Variants in PIEZO2 observed in about 807,000 individuals in gnomAD.
PIEZO2 encodes piezo-type mechanosensitive ion channel component 2.
A neutral mutation model predicts 337.3 loss-of-function variants in PIEZO2; 172 were observed. That is an observed-to-expected ratio of 0.51 (90% confidence interval 0.45 to 0.58). The LOEUF is 0.58. PIEZO2 is among the 20% of genes least tolerant of loss of function. PIEZO2 has a pLI of 0.00. For missense variants in PIEZO2, 3,028 were observed against 3,391.3 expected (o/e 0.89, Z 2.66); for synonymous variants, 1,251 against 1,228.5 (o/e 1.02, Z -0.38).
intron 3 of PIEZO2, among the ~76,000 whole-genome samples, chr18:10,967,311 C>A (rs962413352): frequency 6.6e-6 from 1 of 152,104 alleles, no homozygotes; most frequent in Non-Finnish European, 1.5e-5. Flanking sequence ...GCCACCATGC[C>A]CGGCCTATAT....
Position 10,681,611 on chromosome 18 carries a change from T to C in PIEZO2, c.7779+50A>G, listed in dbSNP as rs750542038. 2.8e-6 allele frequency: 4 copies of C among 1,421,612 alleles called. No homozygotes were observed. In the East Asian group the frequency reaches 6.8e-5, roughly 24 times the overall value. 88.1% of individuals were successfully genotyped at this position (1,421,612 alleles called of 1,614,324 possible). On this transcript the variant is annotated intron_variant, in intron 51 of 55. Transcript: ENST00000674853. The stretch of plus-strand genomic sequence containing the variant: ...AAGCATTAAATGACAATGAGTGAAC[T>C]TCCCTAGATGAGAGGTCTTCACAGA...
chr18:11,025,347 A>G (rs939056695), intron 2 of PIEZO2, among the ~76,000 whole-genome samples: 3 of 152,208 alleles, frequency 2.0e-5, no homozygotes, highest in African/African-American at 7.2e-5. Context: ...AACGGGGCAG[A>G]TAACCATATT....
In PIEZO2 at chr18:10,696,154, C is replaced by T. The variant is rs763474753; in HGVS notation, c.7110G>A (p.Leu2370=). The part of the protein sequence containing the change: ...DRALYLRKTV[L]GKVIFQVILV... ...GAATGACCTGGAAGATGACCTTTCC[C>T]AGTACAGTCTTCCTGAGGTAGAGGG... Residue 2370 remains leucine, a synonymous_variant, in exon 47 of 56, where the codon CTG becomes CTA. Coordinates refer to ENST00000674853, the MANE Select transcript of PIEZO2 (RefSeq NM_001378183.1). 2 of 1,614,158 alleles carry T rather than the reference C, an allele frequency of 1.2e-6. No homozygotes were observed. The highest frequency in any genetic ancestry group is 1.7e-6 in the Non-Finnish European group (2 of 1,179,982).
intron 1 of PIEZO2, among the ~76,000 whole-genome samples, chr18:11,087,902 C>T (rs908007379): frequency 2.6e-5 from 4 of 152,260 alleles, no homozygotes; most frequent in African/African-American, 4.8e-5. Flanking sequence ...CAACAGCCTG[C>T]TTGCAGTCCC....
chr18:10,697,911 G>A, intron 44 of PIEZO2, 31 bp from the exon 45 acceptor site: 1 of 1,576,474 alleles, frequency 6.3e-7, no homozygotes, highest in Non-Finnish European at 8.6e-7. Flanking sequence ...TAAGATGGGT[G>A]GTGGAGCCTG....
intron 9 of PIEZO2, among the ~76,000 whole-genome samples, chr18:10,803,097 C>A (rs911971826): frequency 1.3e-5 from 2 of 152,132 alleles, no homozygotes; most frequent in African/African-American, 2.4e-5. Flanking sequence ...GCAACCATAT[C>A]AGTGAACTTT....
At chr18:10,965,479 A>C (rs1226996573) in intron 3 of PIEZO2, among the ~76,000 whole-genome samples, 3 of 152,198 alleles carry the variant, frequency 2.0e-5, no homozygotes, top group African/African-American at 7.2e-5. Context: ...TCAGGCTCAA[A>C]GCGTTCAGAG....
rs1320885573 is a variant in PIEZO2 at position 10,855,484 on chromosome 18, C to T, written c.786G>A (p.Thr262=). Residue 262 remains threonine, a synonymous_variant, in exon 7 of 56, where the codon ACG becomes ACA. Coordinates refer to ENST00000674853, the MANE Select transcript of PIEZO2 (RefSeq NM_001378183.1). This position sits in a 1 kb window ranked among gnomAD's most constrained non-coding sequence, Gnocchi z 4.9. The part of the protein sequence containing the change: ...GLCTWWSWCR[T]FDPLLFSCLC... ...GACAGCTGAACAGCAATGGGTCGAA[C>T]GTCCGGCACCAGGACCACCAGGTGC... is the stretch of plus-strand genomic sequence containing the variant. The T allele has an allele frequency of 1.6e-5, 24 of 1,536,958 alleles. No homozygotes were observed. The highest frequency in any genetic ancestry group is 2.4e-5 in the South Asian group (2 of 84,050).
In PIEZO2 at chr18:10,789,172, T is replaced by A. The variant is rs1486109672; in HGVS notation, c.2076A>T (p.Gly692=). 1 of 1,537,140 alleles carries A rather than the reference T, an allele frequency of 6.5e-7. No individual in the cohort carries two copies. The part of the protein sequence containing the change: ...MFIKYWIYVC[G]GMFFFVSFEG... ...CGAAGCTGACGAAGAAGAACATGCC[T>A]CCGCAGACGTAGATCCAGTACTTGA... Residue 692 remains glycine (G), a synonymous_variant, in exon 15 of 56, where the codon GGA becomes GGT. Coordinates refer to ENST00000674853, the MANE Select transcript of PIEZO2 (RefSeq NM_001378183.1).
Position 10,673,885 on chromosome 18 carries a change from ACAC to A in PIEZO2, c.8162-1015_8162-1013del, listed in dbSNP as rs2033883436. On this transcript the variant is annotated intron_variant, in intron 54 of 55. Coordinates refer to ENST00000674853, the MANE Select transcript of PIEZO2 (RefSeq NM_001378183.1). This position sits in a 1 kb window ranked among gnomAD's most constrained non-coding sequence, Gnocchi z 4.8. The stretch of plus-strand genomic sequence containing the variant: ...CTTGGGTCACCCAGGAAATATACTA[ACAC>A]CAAGGATAGCTTATGAGCTAAAAAG... Among the ~76,000 whole-genome samples, 1 of 152,234 alleles carries A rather than the reference ACAC, an allele frequency of 6.6e-6. No homozygotes were observed. The highest frequency in any genetic ancestry group is 1.5e-5 in the Non-Finnish European group (1 of 68,044).
intron 2 of PIEZO2, among the ~76,000 whole-genome samples, chr18:11,040,454 T>C (rs534599009): frequency 1.4e-4 from 21 of 152,336 alleles, no homozygotes; most frequent in Admixed American, 3.9e-4. Flanking sequence ...TCTTCACTAT[T>C]GATAAGTAAA....
At chr18:11,010,878 T>G (rs1160781698) in intron 2 of PIEZO2, among the ~76,000 whole-genome samples, 1 of 152,226 alleles carries the variant, frequency 6.6e-6, no homozygotes, top group Non-Finnish European at 1.5e-5. Flanking sequence ...AAAAGAATAA[T>G]TATATTAGTG....
Position 10,680,360 on chromosome 18 carries a change from T to C in PIEZO2, c.7791A>G (p.Gln2597=). 6.2e-7 allele frequency: 1 copy of C among 1,613,804 alleles called. No homozygotes were observed. ...CTTCTTTTTCATAATTTTCCAGAAA[T>C]TGCATAGCACCCTGTATGTGCACAA... is the stretch of plus-strand genomic sequence containing the variant. The part of the protein sequence containing the change: ...QAFSRDTGAM[Q]FLENYEKEDI... The change falls in exon 52 of 56, where the codon CAA becomes CAG. Residue 2597 remains glutamine (Q), a synonymous_variant. Transcript: ENST00000674853.
chr18:10,990,562 A>C (rs574272146), intron 2 of PIEZO2, among the ~76,000 whole-genome samples: 135 of 152,232 alleles, frequency 8.9e-4, no homozygotes, highest in Middle Eastern at 6.8e-3. Flanking sequence ...TTTTCATATG[A>C]AAGTTTACTT....
At chr18:11,000,825 A>G (rs2035505879) in intron 2 of PIEZO2, among the ~76,000 whole-genome samples, 1 of 152,174 alleles carries the variant, frequency 6.6e-6, no homozygotes, top group Admixed American at 6.5e-5. Context: ...AGACTGAGGC[A>G]AAAGAGAAGC....
chr18:10,985,550 G>A (rs926933049), intron 2 of PIEZO2, among the ~76,000 whole-genome samples: 1 of 151,964 alleles, frequency 6.6e-6, no homozygotes, highest in Admixed American at 6.6e-5. Context: ...CTATTTGTCT[G>A]TTTTTTATGC....
At chr18:10,751,979 C>T (rs1009214651) in intron 28 of PIEZO2, among the ~76,000 whole-genome samples, 4 of 152,054 alleles carry the variant, frequency 2.6e-5, no homozygotes, top group African/African-American at 9.7e-5. Flanking sequence ...AGCCAAGCTT[C>T]GTCGGGGCCT....
At chr18:10,788,976 A>T (rs2039321053) in intron 15 of PIEZO2, 103 bp downstream of exon 15, 1 of 1,271,442 alleles carries the variant, frequency 7.9e-7, no homozygotes, top group African/African-American at 1.5e-5. Context: ...CAATCACTTT[A>T]TCCATGTTCA....
At chr18:11,073,807 A>C (rs1210535902) in intron 1 of PIEZO2, among the ~76,000 whole-genome samples, 3 of 151,834 alleles carry the variant, frequency 2.0e-5, no homozygotes, top group African/African-American at 7.3e-5. Flanking sequence ...GCAATATGGC[A>C]CATTCAAGCT....
Sources: gnomAD v4.1 joint callset for allele counts (sites outside exome capture counted in the v4.1 genomes callset) on GRCh38, gnomAD v4.1.1 for gene constraint, Gnocchi (gnomAD v3.1) non-coding constraint, MANE v1.5 for transcripts, NCBI Gene and HGNC (gene_info 2026-07-23, HGNC 2026-07-21) for gene names.